Variants in TMEM244 observed in about 807,000 individuals in gnomAD.
TMEM244 encodes putative transmembrane protein 244.
Under a neutral mutation model 15.8 loss-of-function variants are expected in TMEM244, and 13 were observed. The ratio of observed to expected loss-of-function variants is 0.82; its 90% CI spans 0.53 to 1.30. The LOEUF is 1.30. Among genes scored for constraint, TMEM244 ranks in the 50% most tolerant of loss-of-function variants. The pLI is 0.00. For missense variants in TMEM244, 161 were observed against 144.9 expected (o/e 1.11, Z -0.57); for synonymous variants, 45 against 48.7 (o/e 0.92, Z 0.32).
chr6:129,849,265 T>G lies in TMEM244; in HGVS notation c.34-3413A>C, dbSNP rs112181930. On this transcript the variant is annotated intron_variant, in intron 1 of 4. Coordinates refer to ENST00000368143, the MANE Select transcript of TMEM244 (RefSeq NM_001010876.2). ...ATTTGGAAAAGCAAGGCATAATTTT[T>G]GTAAACAATTTTTCTACCTGAATTA... 7.3e-3 allele frequency among the ~76,000 whole-genome samples: 1,117 copies of G among 152,314 alleles called. 6 individuals carry two copies. The highest frequency in any genetic ancestry group is 0.019 in the South Asian group (92 of 4,828).
At position 129,834,905 on chromosome 6, in the gene TMEM244, C is replaced by T. The variant is rs542418800; in HGVS notation, c.194-1320G>A. 1.6e-4 allele frequency among the ~76,000 whole-genome samples: 24 copies of T among 152,264 alleles called. No individual in the cohort carries two copies. The South Asian group carries it at 2.5e-3, about 16-fold the overall frequency. The stretch of plus-strand genomic sequence containing the variant: ...GAAACAGAGATGCCTCTTTTGTTAG[C>T]ATTTAGAGATTTTATAGGTTAACTT... On this transcript the variant is annotated intron_variant, in intron 3 of 4. Coordinates refer to ENST00000368143, the MANE Select transcript of TMEM244 (RefSeq NM_001010876.2).
chr6:129,847,691 A>C (rs1776578888), intron 1 of TMEM244, among the ~76,000 whole-genome samples: 1 of 151,308 alleles, frequency 6.6e-6, no homozygotes, highest in African/African-American at 2.4e-5. Context: ...AGCCCTGCTC[A>C]CCAAGTCTCA....
chr6:129,843,517 T>A lies in TMEM244; in HGVS notation c.193+13A>T. 1 of 1,582,984 alleles carries A rather than the reference T, an allele frequency of 6.3e-7. No homozygotes were observed. Among genetic ancestry groups the A allele is most frequent in the Non-Finnish European group, 8.6e-7 (1 of 1,159,208 alleles). ...TTCACTAATTGATAAGAATTTAAAA[T>A]TAAAACAATTACCTTTATAGTTTAT... On this transcript the variant is annotated intron_variant, in intron 3 of 4. Transcript: ENST00000368143.
chr6:129,846,004 T>A (rs1776556050), intron 1 of TMEM244, 152 bp from the exon 2 acceptor site: 2 of 573,354 alleles, frequency 3.5e-6, no homozygotes, highest in Non-Finnish European at 6.1e-6. Flanking sequence ...GACTTCAAAG[T>A]GCCCATCTTG....
chr6:129,839,274 AT>A (rs1467240077), intron 3 of TMEM244, among the ~76,000 whole-genome samples: 1 of 152,236 alleles, frequency 6.6e-6, no homozygotes, highest in African/African-American at 2.4e-5. Flanking sequence ...CTGGTTCAAC[AT>A]ATTCAAATCA....
chr6:129,845,645 A>G, intron 2 of TMEM244, 122 bp downstream of exon 2: 6 of 779,598 alleles, frequency 7.7e-6, no homozygotes, highest in Non-Finnish European at 1.3e-5. Context: ...AAAGTAAGAA[A>G]CTATGTCTTT....
intron 3 of TMEM244, 115 bp from the exon 4 acceptor site, chr6:129,833,700 T>A (rs1176764671): frequency 5.7e-6 from 6 of 1,048,222 alleles, no homozygotes; most frequent in Non-Finnish European, 8.2e-6. Context: ...GGTAAGAATT[T>A]TTTAAATGTT....
chr6:129,847,304 T>G (rs917679598), intron 1 of TMEM244, among the ~76,000 whole-genome samples: 1 of 152,148 alleles, frequency 6.6e-6, no homozygotes, highest in African/African-American at 2.4e-5. Context: ...TATTCTTGTA[T>G]TTTAGAATCT....
At chr6:129,849,999 C>A (rs928188339) in intron 1 of TMEM244, among the ~76,000 whole-genome samples, 1 of 152,154 alleles carries the variant, frequency 6.6e-6, no homozygotes, top group African/African-American at 2.4e-5. Context: ...CTCATTTAAT[C>A]CTTATAAAAC....
intron 3 of TMEM244, among the ~76,000 whole-genome samples, chr6:129,837,750 G>C (rs886451586): frequency 2.0e-5 from 3 of 151,692 alleles, no homozygotes; most frequent in Non-Finnish European, 4.4e-5. Flanking sequence ...CAAATGGAAA[G>C]CAAAAAAAGC....
chr6:129,854,277 G>A (rs976786062), intron 1 of TMEM244, among the ~76,000 whole-genome samples: 8 of 152,188 alleles, frequency 5.3e-5, no homozygotes, highest in Non-Finnish European at 8.8e-5. Flanking sequence ...TGGCCCTACC[G>A]GACATTCTGG....
At chr6:129,856,996 C>G (rs1776721822) in intron 1 of TMEM244, among the ~76,000 whole-genome samples, 1 of 151,816 alleles carries the variant, frequency 6.6e-6, no homozygotes, top group Non-Finnish European at 1.5e-5. Context: ...TACACACTTC[C>G]TGTTAAGCTT....
intron 1 of TMEM244, among the ~76,000 whole-genome samples, chr6:129,856,655 A>G (rs1776714394): frequency 6.6e-6 from 1 of 152,094 alleles, no homozygotes; most frequent in Non-Finnish European, 1.5e-5. Flanking sequence ...TTATTCCTCA[A>G]TAAAGCTGCT....
At chr6:129,844,561 T>G (rs994816699) in intron 2 of TMEM244, among the ~76,000 whole-genome samples, 6 of 152,208 alleles carry the variant, frequency 3.9e-5, no homozygotes, top group African/African-American at 1.4e-4. Context: ...TACCCAAGTT[T>G]GTAGTCGTGT....
intron 3 of TMEM244, among the ~76,000 whole-genome samples, chr6:129,837,362 A>C (rs1351495494): frequency 2.0e-5 from 3 of 152,224 alleles, no homozygotes; most frequent in Non-Finnish European, 2.9e-5. Flanking sequence ...TCCTTTACAG[A>C]GAAGCAAATG....
intron 3 of TMEM244, among the ~76,000 whole-genome samples, chr6:129,838,891 T>A (rs1776446705): frequency 6.6e-6 from 1 of 152,096 alleles, no homozygotes; most frequent in Non-Finnish European, 1.5e-5. Context: ...AGAAGCTGAA[T>A]CTCTGAATAG....
chr6:129,842,633 A>G (rs1776508229), intron 3 of TMEM244, among the ~76,000 whole-genome samples: 1 of 152,118 alleles, frequency 6.6e-6, no homozygotes, highest in Admixed American at 6.6e-5. Flanking sequence ...TACATTAAAA[A>G]ACAAGAATAG....
chr6:129,860,114 T>C (rs1776779569), intron 1 of TMEM244, among the ~76,000 whole-genome samples: 1 of 125,058 alleles, frequency 8.0e-6, no homozygotes, highest in Non-Finnish European at 1.8e-5. Context: ...CGTGTGTGTG[T>C]GTGTGTGTGT....
At chr6:129,841,937 A>G (rs1055640877) in intron 3 of TMEM244, among the ~76,000 whole-genome samples, 3 of 152,134 alleles carry the variant, frequency 2.0e-5, no homozygotes, top group Non-Finnish European at 4.4e-5. Flanking sequence ...CACAGCAACA[A>G]CTTTGAAGAG....
Sources: allele counts gnomAD v4.1 joint callset (sites outside exome capture counted in the v4.1 genomes callset), GRCh38; gene constraint gnomAD v4.1.1; transcripts MANE v1.5; gene names NCBI Gene and HGNC (gene_info 2026-07-23, HGNC 2026-07-21).